Variants in LRRTM4 observed in about 807,000 individuals in gnomAD.
LRRTM4 encodes the protein leucine rich repeat transmembrane neuronal 4.
LRRTM4 carries 25 observed loss-of-function variants against 47.6 expected under a neutral mutation model. The ratio of observed to expected loss-of-function variants is 0.53; its 90% CI spans 0.38 to 0.73. The LOEUF is 0.73. Among genes scored for constraint, LRRTM4 ranks in the 30% least tolerant of loss-of-function variants. The pLI is 0.00. For synonymous variants in LRRTM4, 311 were observed against 269.5 expected (o/e 1.15, Z -1.51); for missense variants, 638 against 713.4 (o/e 0.89, Z 1.20).
chr2:76,878,871 C>A (rs1262958874), intron 3 of LRRTM4, among the ~76,000 whole-genome samples: 1 of 151,730 alleles, frequency 6.6e-6, no homozygotes, highest in Non-Finnish European at 1.5e-5. Flanking sequence ...AAGACTCCAT[C>A]TAAAATTAAA....
intron 3 of LRRTM4, among the ~76,000 whole-genome samples, chr2:76,766,290 A>G (rs1302967446): frequency 1.3e-5 from 2 of 152,186 alleles, no homozygotes; most frequent in African/African-American, 4.8e-5. Context: ...ATTGAAATCC[A>G]AACTGGAGCC....
intron 3 of LRRTM4, among the ~76,000 whole-genome samples, chr2:77,049,157 T>TATATATATAC (rs1351971551): frequency 1.6e-3 from 170 of 106,208 alleles, no homozygotes; most frequent in African/African-American, 5.3e-3. Context: ...TATATATATA[T>TATATATATAC]ACACACACAC....
intron 3 of LRRTM4, among the ~76,000 whole-genome samples, chr2:76,981,275 T>C (rs2103966515): frequency 6.6e-6 from 1 of 152,162 alleles, no homozygotes; most frequent in Admixed American, 6.6e-5. Flanking sequence ...ATCCAGAAGA[T>C]AATAAAACAT....
At chr2:77,281,717 G>A (rs1676511295) in intron 3 of LRRTM4, among the ~76,000 whole-genome samples, 1 of 151,700 alleles carries the variant, frequency 6.6e-6, no homozygotes, top group African/African-American at 2.4e-5. Flanking sequence ...TTCAAGAATG[G>A]GGAGGTACAT....
rs147657571 is a variant in LRRTM4 at position 77,392,477 on chromosome 2, T to C, written c.1551+125841A>G. 5.9e-3 allele frequency among the ~76,000 whole-genome samples: 902 copies of C among 152,158 alleles called. 7 individuals are homozygous for C. Among genetic ancestry groups the C allele is most frequent in the African/African-American group, 0.021 (868 of 41,542 alleles). Reference sequence around the variant, plus strand: ...CTTTTTGGTTTACACCATCAATGGATGAATGGATAAAGACAATGTAGTATA... The same window carrying C: ...CTTTTTGGTTTACACCATCAATGGACGAATGGATAAAGACAATGTAGTATA... On this transcript the variant is annotated intron_variant, in intron 3 of 3. Coordinates refer to ENST00000409884, the MANE Select transcript of LRRTM4 (RefSeq NM_001134745.3).
chr2:77,084,048 A>G (rs992356013), intron 3 of LRRTM4, among the ~76,000 whole-genome samples: 1 of 151,298 alleles, frequency 6.6e-6, no homozygotes, highest in African/African-American at 2.4e-5. Flanking sequence ...CTCGTGATCC[A>G]CCCGCCTCGG....
intron 3 of LRRTM4, among the ~76,000 whole-genome samples, chr2:76,790,944 T>G (rs1490019892): frequency 6.6e-6 from 1 of 152,152 alleles, no homozygotes; most frequent in African/African-American, 2.4e-5. Flanking sequence ...AAGAATGTGT[T>G]TCCATATTTC....
chr2:77,070,667 G>A lies in LRRTM4; in HGVS notation c.1552-321751C>T, dbSNP rs145733723. Among the ~76,000 whole-genome samples the A allele has an allele frequency of 3.3e-4, 50 of 152,024 alleles. No individual in the cohort carries two copies. In the East Asian group the frequency reaches 9.1e-3, roughly 28 times the overall value. On this transcript the variant is annotated intron_variant, in intron 3 of 3. Coordinates refer to ENST00000409884, the MANE Select transcript of LRRTM4 (RefSeq NM_001134745.3). ...TGTTTTGAGACAGAGTTTTGCTCTT[G>A]TTGCCCAGGCTAGAGGGCAATGGCA...
rs183804723 is a variant in LRRTM4 at position 76,798,403 on chromosome 2, G to A, written c.1552-49487C>T. ...AATAAGGATGTTCTTTGAAACCAAC[G>A]AGAACAAAGACACAACATACCAGAA... On this transcript the variant is annotated intron_variant, in intron 3 of 3. Transcript: ENST00000409884. Among the ~76,000 whole-genome samples, 91 of 151,618 alleles carry A rather than the reference G, an allele frequency of 6.0e-4. No individual in the cohort carries two copies. The East Asian group carries it at 0.01, about 17-fold the overall frequency.
intron 3 of LRRTM4, among the ~76,000 whole-genome samples, chr2:77,201,008 T>C (rs1448098587): frequency 6.6e-6 from 1 of 152,100 alleles, no homozygotes; most frequent in African/African-American, 2.4e-5. Context: ...ACAAGGCAAG[T>C]GTACGTAAGC....
At chr2:76,806,314 G>A (rs1211566896) in intron 3 of LRRTM4, among the ~76,000 whole-genome samples, 1 of 152,142 alleles carries the variant, frequency 6.6e-6, no homozygotes, top group Non-Finnish European at 1.5e-5. Context: ...CCGTGCGGTG[G>A]CTCACACCTG....
intron 3 of LRRTM4, among the ~76,000 whole-genome samples, chr2:76,965,817 C>T (rs890289412): frequency 1.2e-4 from 18 of 151,348 alleles, no homozygotes; most frequent in Non-Finnish European, 1.3e-4. Flanking sequence ...TATATGTGCT[C>T]ATTTAGGACA....
chr2:77,486,060 A>C (rs1007584940), intron 3 of LRRTM4, among the ~76,000 whole-genome samples: 4 of 152,168 alleles, frequency 2.6e-5, no homozygotes, highest in African/African-American at 9.7e-5. Flanking sequence ...TAGAACCTCT[A>C]GCATGCCTTC....
At chr2:76,831,342 C>A (rs1671346821) in intron 3 of LRRTM4, among the ~76,000 whole-genome samples, 1 of 152,102 alleles carries the variant, frequency 6.6e-6, no homozygotes, top group African/African-American at 2.4e-5. Context: ...TGTGCGTGTG[C>A]ACACGCTCGC....
chr2:77,079,204 C>A (rs935657535), intron 3 of LRRTM4, among the ~76,000 whole-genome samples: 1 of 152,142 alleles, frequency 6.6e-6, no homozygotes, highest in Non-Finnish European at 1.5e-5. Flanking sequence ...TAGATTTGTA[C>A]TTTATGACTA....
intron 3 of LRRTM4, among the ~76,000 whole-genome samples, chr2:77,142,839 A>G (rs1403414133): frequency 6.6e-6 from 1 of 152,106 alleles, no homozygotes; most frequent in Non-Finnish European, 1.5e-5. Flanking sequence ...CTTTTTTGTA[A>G]TTTGCACTTA....
intron 3 of LRRTM4, among the ~76,000 whole-genome samples, chr2:77,445,197 C>G (rs1421025872): frequency 1.3e-5 from 2 of 151,960 alleles, no homozygotes; most frequent in Admixed American, 6.6e-5. Flanking sequence ...AAGGCCTGGA[C>G]AAGCTACCCA....
chr2:77,046,096 G>T (rs574850495), intron 3 of LRRTM4, among the ~76,000 whole-genome samples: 1 of 151,978 alleles, frequency 6.6e-6, no homozygotes, highest in South Asian at 2.1e-4. Context: ...TCATGTAAGT[G>T]GTTCTTCTCT....
intron 3 of LRRTM4, among the ~76,000 whole-genome samples, chr2:77,385,344 A>G (rs533711885): frequency 6.6e-6 from 1 of 152,258 alleles, no homozygotes; most frequent in African/African-American, 2.4e-5. Flanking sequence ...CTACATTAAC[A>G]ATAGGCAAGA....
Sources: allele counts gnomAD v4.1 joint callset (sites outside exome capture counted in the v4.1 genomes callset), GRCh38; gene constraint gnomAD v4.1.1; transcripts MANE v1.5; gene names NCBI Gene and HGNC (gene_info 2026-07-23, HGNC 2026-07-21).